Variants in SLC44A1 observed in about 807,000 individuals in gnomAD.
The protein encoded by SLC44A1 is choline transporter-like protein 1.
In SLC44A1, 26 loss-of-function variants were observed where a neutral mutation model predicts 79.3. That is an observed-to-expected ratio of 0.33 (90% confidence interval 0.24 to 0.46). SLC44A1 has a LOEUF of 0.46. Ranked by LOEUF, SLC44A1 falls within the 20% of genes least tolerant of loss-of-function variation. The pLI is 1.00. For missense variants in SLC44A1, 688 were observed against 798.1 expected (o/e 0.86, Z 1.66); for synonymous variants, 263 against 286.2 (o/e 0.92, Z 0.82).
downstream of SLC44A1, among the ~76,000 whole-genome samples, chr9:105,401,532 A>AT (rs762920621): frequency 9.9e-5 from 15 of 152,170 alleles, no homozygotes; most frequent in African/African-American, 1.9e-4. Flanking sequence ...TGGATTTAGG[A>AT]TTTTTTTATT....
chr9:105,255,451 G>C (rs1271696197), intron 1 of SLC44A1, among the ~76,000 whole-genome samples: 1 of 152,156 alleles, frequency 6.6e-6, no homozygotes, highest in Non-Finnish European at 1.5e-5. Context: ...TTCTAAAGTT[G>C]AGTAATGCTA....
chr9:105,365,879 A>G (rs968214086), intron 11 of SLC44A1, among the ~76,000 whole-genome samples: 8 of 152,188 alleles, frequency 5.3e-5, no homozygotes, highest in Admixed American at 3.9e-4. Flanking sequence ...GTTGACTCAC[A>G]TACCTTCCTC....
chr9:105,403,012 G>T (rs1472217387), intron 15 of SLC44A1, among the ~76,000 whole-genome samples: 1 of 142,772 alleles, frequency 7.0e-6, no homozygotes, highest in Non-Finnish European at 1.5e-5. Flanking sequence ...GAAAGGCAGG[G>T]TCTCGCTTTG....
intron 13 of SLC44A1, among the ~76,000 whole-genome samples, chr9:105,376,929 G>A (rs9942851): frequency 0.05 from 7,675 of 152,204 alleles, 649 homozygotes; most frequent in African/African-American, 0.17. Context: ...GAATGTGGCC[G>A]TTCAAACTCA....
At chr9:105,310,700 A>G (rs887996662) in intron 3 of SLC44A1, among the ~76,000 whole-genome samples, 2 of 152,210 alleles carry the variant, frequency 1.3e-5, no homozygotes, top group Admixed American at 6.5e-5. Context: ...GGAAGGTGGT[A>G]TGTAATAACT....
At chr9:105,382,496 G>A (rs181590004) in intron 13 of SLC44A1, among the ~76,000 whole-genome samples, 7 of 152,128 alleles carry the variant, frequency 4.6e-5, no homozygotes, top group Admixed American at 2.0e-4. Context: ...AATAAAATAC[G>A]AAACACAGAA....
chr9:105,427,164 C>T (rs1215327422), intron 15 of SLC44A1, among the ~76,000 whole-genome samples: 1 of 152,186 alleles, frequency 6.6e-6, no homozygotes, highest in African/African-American at 2.4e-5. Flanking sequence ...AACTCCTGAG[C>T]TCAAGCGATC....
chr9:105,274,651 G>C (rs1024766224), intron 1 of SLC44A1, among the ~76,000 whole-genome samples: 2 of 152,142 alleles, frequency 1.3e-5, no homozygotes, highest in Non-Finnish European at 2.9e-5. Context: ...AAGTTCTTCT[G>C]CCCAGAATTT....
intron 4 of SLC44A1, among the ~76,000 whole-genome samples, chr9:105,338,960 T>G (rs1001594192): frequency 7.9e-5 from 12 of 152,164 alleles, no homozygotes; most frequent in African/African-American, 2.7e-4. Context: ...TGAAAGAGCC[T>G]AAATGTAAGA....
chr9:105,252,896 T>C (rs536273168), intron 1 of SLC44A1, among the ~76,000 whole-genome samples: 4 of 152,362 alleles, frequency 2.6e-5, no homozygotes, highest in East Asian at 1.9e-4. Context: ...TGTGTAAAAT[T>C]TAGTAATTTT....
At chr9:105,342,244 C>G (rs1290926239) in intron 4 of SLC44A1, among the ~76,000 whole-genome samples, 1 of 152,116 alleles carries the variant, frequency 6.6e-6, no homozygotes, top group African/African-American at 2.4e-5. Flanking sequence ...ACATTGTGCA[C>G]TTTGCTTAGT....
chr9:105,434,547 T>C (rs985993615), intron 15 of SLC44A1, among the ~76,000 whole-genome samples: 7 of 152,198 alleles, frequency 4.6e-5, no homozygotes, highest in Non-Finnish European at 1.0e-4. Context: ...AATAATTCCT[T>C]TACACCATAC....
rs10991604 is a variant in SLC44A1, at chr9:105,281,312, T to C, written c.37-17908T>C. 3.3e-5 allele frequency among the ~76,000 whole-genome samples: 5 copies of C among 152,322 alleles called. No homozygotes were observed. In the East Asian group the frequency reaches 9.6e-4, roughly 29 times the overall value. ...TGCCTTCTTTTCTTTCCGAAACCTA[T>C]GATATTCTTGGCAGTGGCACATGTG... On this transcript the variant is annotated intron_variant, in intron 1 of 15. Transcript: ENST00000374720.
chr9:105,331,549 T>C (rs1826749589), intron 3 of SLC44A1, among the ~76,000 whole-genome samples: 1 of 152,226 alleles, frequency 6.6e-6, no homozygotes, highest in Non-Finnish European at 1.5e-5. Context: ...GTTAAGGACA[T>C]TTTCCAATCA....
At position 105,390,116 on chromosome 9, in the gene SLC44A1, T is replaced by C. The variant is rs530851131; in HGVS notation, c.*1060T>C. ...TGAGTATCCAGAGTTCTACGATGTTTAACTGAAGAATTGGCTAATGTTTTG... is the reference window on the plus strand; with the variant it reads ...TGAGTATCCAGAGTTCTACGATGTTCAACTGAAGAATTGGCTAATGTTTTG... On this transcript the variant is annotated 3_prime_UTR_variant, in exon 16 of 16. Coordinates refer to ENST00000374720, the MANE Select transcript of SLC44A1 (RefSeq NM_080546.5). 5.6e-6 allele frequency: 7 copies of C among 1,248,106 alleles called. No individual in the cohort carries two copies. The South Asian group carries it at 2.6e-4, about 47-fold the overall frequency. 77.3% of individuals were successfully genotyped at this position (1,248,106 alleles called of 1,614,324 possible). A position where few individuals can be genotyped will look rare whatever the true frequency, so the allele number is the denominator to read the frequency against.
chr9:105,308,859 A>T (rs1465938576), intron 2 of SLC44A1, among the ~76,000 whole-genome samples: 1 of 152,224 alleles, frequency 6.6e-6, no homozygotes, highest in Non-Finnish European at 1.5e-5. Flanking sequence ...GTAGTGATTC[A>T]CTTTCTGTTC....
In SLC44A1 at chr9:105,244,890, T is replaced by C; in HGVS notation, c.22T>C (p.Ser8Pro). Residue 8 changes from serine (S) to proline (P), a missense_variant, in exon 1 of 16, where the codon TCC becomes CCC. Ser to Pro is a moderately conservative substitution (Grantham distance 74, BLOSUM62 -1). Transcript: ENST00000374720. ...CGCCATGGGCTGCTGCAGCTCCGCC[T>C]CCTCCGCCGCGCAGGTGAGGGGCTC... The part of the protein sequence containing the change: MGCCSSA[S>P]SAAQSSKREW... 8.5e-7 allele frequency: 1 copy of C among 1,175,492 alleles called. No individual in the cohort carries two copies. 72.8% of individuals were successfully genotyped at this position (1,175,492 alleles called of 1,614,324 possible).
chr9:105,303,169 GATAA>G (rs1458727035), intron 2 of SLC44A1, among the ~76,000 whole-genome samples: 1 of 152,016 alleles, frequency 6.6e-6, no homozygotes, highest in Non-Finnish European at 1.5e-5. Context: ...GAGTGGGATG[GATAA>G]ATAAAGCACC....
intron 15 of SLC44A1, among the ~76,000 whole-genome samples, chr9:105,418,245 C>T (rs1476642807): frequency 2.9e-5 from 4 of 136,214 alleles, no homozygotes; most frequent in African/African-American, 1.1e-4. Context: ...ACCTGGGAAG[C>T]GGAGGTTGCA....
Sources: allele counts gnomAD v4.1 joint callset (sites outside exome capture counted in the v4.1 genomes callset), GRCh38; gene constraint gnomAD v4.1.1; transcripts MANE v1.5; gene names NCBI Gene and HGNC (gene_info 2026-07-23, HGNC 2026-07-21).